Variants in ZNF761 observed in about 807,000 individuals in gnomAD.
ZNF761 encodes the protein zinc finger protein 761.
ZNF761 carries 43 observed loss-of-function variants against 59.9 expected under a neutral mutation model. The ratio of observed to expected loss-of-function variants is 0.72; its 90% CI spans 0.56 to 0.92. The LOEUF (loss-of-function observed/expected upper bound fraction) is 0.92. Among genes scored for constraint, ZNF761 ranks in the 40% least tolerant of loss-of-function variants. ZNF761 has a pLI of 0.00. For missense variants in ZNF761, 850 were observed against 906.1 expected (o/e 0.94, Z 0.79); for synonymous variants, 294 against 304.8 (o/e 0.96, Z 0.37).
At chr19:53,440,036 G>T (rs1413852641) in intron 1 of ZNF761, among the ~76,000 whole-genome samples, 2 of 152,112 alleles carry the variant, frequency 1.3e-5, no homozygotes, top group Admixed American at 1.3e-4. Context: ...TGAAAAAGAG[G>T]CTGGGTGCTG....
rs145308414 is a variant in ZNF761, at chr19:53,454,912, T to A, written c.405T>A (p.Pro135=). The change falls in exon 5 of 5, where the codon CCT becomes CCA. Residue 135 remains proline, a synonymous_variant. Coordinates refer to ENST00000684525, the MANE Select transcript of ZNF761 (RefSeq NM_001289951.2). ...RYDQSHARNK[P]IKDQLGSSFH... is the part of the protein sequence containing the mutation. ...ATCAAAGTCATGCTAGAAACAAGCC[T>A]ATTAAAGATCAGCTTGGATCAAGCT... 158 of 1,614,176 alleles carry A rather than the reference T, an allele frequency of 9.8e-5. 3 individuals are homozygous for A. In the African/African-American group the frequency reaches 1.9e-3, roughly 19 times the overall value.
intron 1 of ZNF761, among the ~76,000 whole-genome samples, chr19:53,437,938 A>G (rs1013580229): frequency 7.4e-6 from 1 of 135,836 alleles, no homozygotes; most frequent in African/African-American, 2.6e-5. Context: ...AGCCTCTACT[A>G]CTGAGTCTGA....
At chr19:53,439,506 G>A (rs2086077014) in intron 1 of ZNF761, among the ~76,000 whole-genome samples, 1 of 152,016 alleles carries the variant, frequency 6.6e-6, no homozygotes, top group Non-Finnish European at 1.5e-5. Flanking sequence ...GGAGAGCTGT[G>A]ACGCTTCTTT....
intron 3 of ZNF761, among the ~76,000 whole-genome samples, chr19:53,448,089 C>T (rs924269527): frequency 6.6e-6 from 1 of 152,200 alleles, no homozygotes; most frequent in Non-Finnish European, 1.5e-5. Flanking sequence ...GGAACCTCCA[C>T]CTTCCGGGTT....
Position 53,456,786 on chromosome 19 carries a change from G to A in ZNF761, c.*38G>A. ...GGTTTTTAATCAACAAGCACACCTT[G>A]CAGGTCATCATAGAATTCATACTGG... On this transcript the variant is annotated 3_prime_UTR_variant, in exon 5 of 5. Transcript: ENST00000684525. 6.3e-7 allele frequency: 1 copy of A among 1,599,084 alleles called. No individual in the cohort carries two copies.
intron 1 of ZNF761, among the ~76,000 whole-genome samples, chr19:53,432,243 C>T (rs536557954): frequency 2.0e-5 from 3 of 152,276 alleles, no homozygotes; most frequent in Admixed American, 6.5e-5. Context: ...TGCTACAGGG[C>T]AATGTATACA....
intron 1 of ZNF761, among the ~76,000 whole-genome samples, chr19:53,433,062 A>G (rs1488382589): frequency 2.0e-5 from 3 of 151,008 alleles, no homozygotes; most frequent in African/African-American, 7.3e-5. Flanking sequence ...ATAACAGGGA[A>G]GAGAGAATTT....
At chr19:53,453,859 A>G (rs936518088) in intron 4 of ZNF761, among the ~76,000 whole-genome samples, 1 of 151,434 alleles carries the variant, frequency 6.6e-6, no homozygotes, top group Non-Finnish European at 1.5e-5. Flanking sequence ...CAGTTGCAAC[A>G]GAGTGAAACT....
Position 53,456,223 on chromosome 19 carries a change from T to C in ZNF761, c.1716T>C (p.His572=), listed in dbSNP as rs2086269229. The change falls in exon 5 of 5, where the codon CAT becomes CAC. Residue 572 remains histidine (H), a synonymous_variant. Transcript: ENST00000684525. ...QLTLKRHRRL[H]SGENPYKCED... Reference sequence around the variant, plus strand: ...CCCTTAAACGCCATCGTAGACTTCATAGTGGAGAGAACCCTTACAAATGTG... The same window carrying C: ...CCCTTAAACGCCATCGTAGACTTCACAGTGGAGAGAACCCTTACAAATGTG... The C allele has an allele frequency of 6.2e-7, 1 of 1,613,854 alleles. No homozygotes were observed. The highest frequency in any genetic ancestry group is 8.5e-7 in the Non-Finnish European group (1 of 1,180,000).
chr19:53,440,964 C>T (rs1176010505), intron 1 of ZNF761, among the ~76,000 whole-genome samples: 2 of 152,192 alleles, frequency 1.3e-5, no homozygotes, highest in Non-Finnish European at 2.9e-5. Flanking sequence ...GGATAAGCCA[C>T]CACACCTGGT....
At chr19:53,432,857 C>T (rs1186975235) in intron 1 of ZNF761, among the ~76,000 whole-genome samples, 1 of 151,474 alleles carries the variant, frequency 6.6e-6, no homozygotes, top group Non-Finnish European at 1.5e-5. Context: ...GCTGGATGTA[C>T]AGAGAGATGA....
Position 53,441,122 on chromosome 19 carries a change from A to G in ZNF761, c.-184-5105A>G, listed in dbSNP as rs570480558. On this transcript the variant is annotated intron_variant, in intron 1 of 4. Coordinates refer to ENST00000684525, the MANE Select transcript of ZNF761 (RefSeq NM_001289951.2). The stretch of plus-strand genomic sequence containing the variant: ...CATGGTGAAACCTGGTCTCTGCTAA[A>G]AATACAAAAGTTAGCCAGGCATGGT... Among the ~76,000 whole-genome samples, 3 of 152,276 alleles carry G rather than the reference A, an allele frequency of 2.0e-5. No homozygotes were observed. In the East Asian group the frequency reaches 5.8e-4, roughly 29 times the overall value.
rs535861595 is a variant in ZNF761 at position 53,457,274 on chromosome 19, T to C, written c.*526T>C. On this transcript the variant is annotated 3_prime_UTR_variant, in exon 5 of 5. Transcript: ENST00000684525. The stretch of plus-strand genomic sequence containing the variant: ...ATAAATGTGGCAGATTTTTCAGACA[T>C]TGTTCATACCTTGCAGTTCATCGGT... 2.4e-4 allele frequency: 103 copies of C among 424,842 alleles called. 2 individuals carry two copies. The highest frequency in any genetic ancestry group is 1.8e-3 in the South Asian group (98 of 53,290). 26.3% of individuals were successfully genotyped at this position (424,842 alleles called of 1,614,324 possible).
At chr19:53,446,197 A>C (rs975395938) in intron 1 of ZNF761, 30 bp from the exon 2 acceptor site, 4 of 152,636 alleles carry the variant, frequency 2.6e-5, no homozygotes, top group African/African-American at 7.3e-5. Context: ...CAATCACATC[A>C]GAATTTTTTT....
chr19:53,450,027 G>C (rs1052575274), intron 4 of ZNF761: 1 of 439,988 alleles, frequency 2.3e-6, no homozygotes, highest in Admixed American at 3.9e-5. Context: ...ATGTGTGGCC[G>C]GGCTTGGTGG....
rs755035632 is a variant in ZNF761, at chr19:53,454,923, A to T, written c.416A>T (p.Gln139Leu). ...SHARNKPIKDQLGSSFHSHLP... is the reference protein window; with the variant it reads ...SHARNKPIKDLLGSSFHSHLP... Reference sequence around the variant, plus strand: ...GCTAGAAACAAGCCTATTAAAGATCAGCTTGGATCAAGCTTTCATTCGCAT... The same window carrying T: ...GCTAGAAACAAGCCTATTAAAGATCTGCTTGGATCAAGCTTTCATTCGCAT... The change falls in exon 5 of 5, where the codon CAG becomes CTG. Residue 139 changes from glutamine to leucine, a missense_variant. Gln to Leu is a moderately radical substitution (Grantham distance 113, BLOSUM62 -2). Transcript: ENST00000684525. 1.2e-6 allele frequency: 2 copies of T among 1,614,196 alleles called. No individual in the cohort carries two copies. The highest frequency in any genetic ancestry group is 4.5e-5 in the East Asian group (2 of 44,874).
chr19:53,455,312 C>A lies in ZNF761; in HGVS notation c.805C>A (p.Pro269Thr). 1 of 1,614,216 alleles carries A rather than the reference C, an allele frequency of 6.2e-7. No individual in the cohort carries two copies. The highest frequency in any genetic ancestry group is 8.5e-7 in the Non-Finnish European group (1 of 1,180,042). Residue 269 changes from proline to threonine, a missense_variant, in exon 5 of 5, where the codon CCT (proline) becomes ACT (threonine). Transcript: ENST00000684525. The part of the protein sequence containing the change: ...CHRRCHTGEN[P>T]YKCNECGKTF... ...TCGTAGATGTCACACTGGTGAGAAT[C>A]CTTACAAGTGTAATGAGTGTGGCAA...
chr19:53,456,623 A>G lies in ZNF761; in HGVS notation c.2116A>G (p.Ile706Val). 6.2e-7 allele frequency: 1 copy of G among 1,612,122 alleles called. No homozygotes were observed. The highest frequency in any genetic ancestry group is 1.3e-5 in the African/African-American group (1 of 74,460). The change falls in exon 5 of 5, where the codon ATA (isoleucine) becomes GTA (valine). Residue 706 changes from isoleucine to valine, a missense_variant. By Grantham distance (29) the Ile-to-Val change is conservative. Transcript: ENST00000684525. ...GKNFSQKSSL[I>V]CHHRLHTGEK... is the part of the protein sequence containing the mutation. ...GAACTTTAGTCAGAAGTCATCCCTT[A>G]TATGCCACCATAGACTTCATACTGG...
At chr19:53,449,245 G>A (rs1373503876) in intron 3 of ZNF761, among the ~76,000 whole-genome samples, 5 of 151,944 alleles carry the variant, frequency 3.3e-5, no homozygotes, top group Admixed American at 1.3e-4. Context: ...CAGGAAAATC[G>A]CTTGATCCTA....
Sources: allele counts gnomAD v4.1 joint callset (sites outside exome capture counted in the v4.1 genomes callset), GRCh38; gene constraint gnomAD v4.1.1; transcripts MANE v1.5; gene names NCBI Gene and HGNC (gene_info 2026-07-23, HGNC 2026-07-21).